Variants in ENPP3 observed in about 807,000 individuals in gnomAD.
ENPP3 encodes ectonucleotide pyrophosphatase/phosphodiesterase 3.
In ENPP3, 104 loss-of-function variants were observed where a neutral mutation model predicts 117.8. The ratio of observed to expected loss-of-function variants is 0.88; its 90% CI spans 0.75 to 1.04. The LOEUF (loss-of-function observed/expected upper bound fraction) is 1.04, where lower values mean the gene tolerates loss of function less well. Among genes scored for constraint, ENPP3 ranks in the 50% least tolerant of loss-of-function variants. The probability of loss-of-function intolerance (pLI) is 0.00; values close to 1 mark genes in which losing one functional copy is unlikely to be tolerated. For missense variants in ENPP3, 1,026 were observed against 1,051.9 expected (o/e 0.98, Z 0.34); for synonymous variants, 380 against 349.9 (o/e 1.09, Z -0.96).
intron 14 of ENPP3, among the ~76,000 whole-genome samples, chr6:131,688,817 C>T (rs192490136): frequency 1.0e-4 from 15 of 149,294 alleles, no homozygotes; most frequent in African/African-American, 3.0e-4. Flanking sequence ...TTTGGGAGGC[C>T]GAGGCAGGTG....
intron 12 of ENPP3, 106 bp downstream of exon 12, chr6:131,683,268 A>G (rs1006249225): frequency 5.4e-5 from 35 of 652,702 alleles, no homozygotes; most frequent in Non-Finnish European, 1.6e-5. Context: ...TTCCAGACCT[A>G]AAGTCTCTTG....
At chr6:131,744,545 A>G (rs1701671735) in intron 24 of ENPP3, among the ~76,000 whole-genome samples, 1 of 152,226 alleles carries the variant, frequency 6.6e-6, no homozygotes, top group Non-Finnish European at 1.5e-5. Flanking sequence ...CAGTAGAGTT[A>G]TGGATAACAA....
chr6:131,719,410 CACACACACACAT>C (rs558474311), intron 16 of ENPP3, among the ~76,000 whole-genome samples: 8,613 of 149,796 alleles, frequency 0.057, 432 homozygotes, highest in African/African-American at 0.14. Context: ...CACACACACA[CACACACACACAT>C]TCCTTTCCAA....
Position 131,700,718 on chromosome 6 carries a change from T to C in ENPP3, c.1412+7094T>C. 51 of 1,556,454 alleles carry C rather than the reference T, an allele frequency of 3.3e-5. 7 individuals are homozygous for C. The highest frequency in any genetic ancestry group is 4.4e-5 in the Non-Finnish European group (51 of 1,165,138). ...AGGCTTTCCTCTGAACTTCCCTTGA[T>C]TGGATCTGAAGGATAGCACAGAGGA... On this transcript the variant is annotated intron_variant, in intron 15 of 24. Coordinates refer to ENST00000357639, the MANE Select transcript of ENPP3 (RefSeq NM_005021.5).
chr6:131,653,419 A>G (rs902345889), intron 5 of ENPP3, among the ~76,000 whole-genome samples: 1 of 149,900 alleles, frequency 6.7e-6, no homozygotes, highest in South Asian at 2.1e-4. Flanking sequence ...AAATGCTGGG[A>G]TTCCAGGCAT....
At chr6:131,716,215 A>G (rs1353540671) in intron 15 of ENPP3, among the ~76,000 whole-genome samples, 1 of 152,378 alleles carries the variant, frequency 6.6e-6, no homozygotes, top group East Asian at 1.9e-4. Context: ...TATGACAGAT[A>G]GAATCAACTC....
At chr6:131,732,963 G>A (rs931935592) in intron 20 of ENPP3, among the ~76,000 whole-genome samples, 4 of 151,792 alleles carry the variant, frequency 2.6e-5, no homozygotes, top group African/African-American at 7.2e-5. Flanking sequence ...TGCTGACCTC[G>A]TGATCTGCCT....
chr6:131,638,571 G>A (rs1330101475), intron 1 of ENPP3: 2 of 386,250 alleles, frequency 5.2e-6, no homozygotes, highest in African/African-American at 2.2e-5. Context: ...GCTCAGCTAA[G>A]TTTTTGTGAG....
At chr6:131,740,756 T>A (rs371910022) in intron 24 of ENPP3, among the ~76,000 whole-genome samples, 1 of 152,200 alleles carries the variant, frequency 6.6e-6, no homozygotes, top group African/African-American at 2.4e-5. Flanking sequence ...CTTTGTATAA[T>A]GATCAAATCA....
intron 2 of ENPP3, among the ~76,000 whole-genome samples, chr6:131,645,122 C>G (rs1490252503): frequency 2.6e-5 from 4 of 152,244 alleles, no homozygotes; most frequent in African/African-American, 4.8e-5. Flanking sequence ...TATGCCCTCT[C>G]TTGGTGCTGA....
chr6:131,719,796 G>C (rs562127692), intron 16 of ENPP3, among the ~76,000 whole-genome samples: 1 of 151,994 alleles, frequency 6.6e-6, no homozygotes, highest in South Asian at 2.1e-4. Flanking sequence ...AAATATTGAG[G>C]TCTTTTTATC....
rs960427473 is a variant in ENPP3, at chr6:131,720,201, G to C, written c.1480-91G>C. The C allele has an allele frequency of 1.3e-5, 9 of 705,310 alleles. No homozygotes were observed. In the African/African-American group the frequency reaches 1.5e-4, roughly 11 times the overall value. The allele number at this position is 705,310 out of a possible 1,614,324, so 43.7% of individuals were successfully genotyped here. A position where few individuals can be genotyped will look rare whatever the true frequency, so the allele number is the denominator to read the frequency against. The stretch of plus-strand genomic sequence containing the variant: ...ACAGAGGCCTAATACAAATAGGAGA[G>C]TAGTTACAGAAGGAAAATTTTGTCT... On this transcript the variant is annotated intron_variant, in intron 16 of 24. Coordinates refer to ENST00000357639, the MANE Select transcript of ENPP3 (RefSeq NM_005021.5).
At chr6:131,664,711 A>G (rs2114355225) in intron 6 of ENPP3, among the ~76,000 whole-genome samples, 1 of 152,328 alleles carries the variant, frequency 6.6e-6, no homozygotes, top group East Asian at 1.9e-4. Context: ...GGATAAATAT[A>G]CAATTACCAC....
chr6:131,717,893 C>G (rs966361671), intron 15 of ENPP3, among the ~76,000 whole-genome samples: 14 of 152,120 alleles, frequency 9.2e-5, no homozygotes, highest in African/African-American at 3.4e-4. Context: ...TGCTTAGATA[C>G]ACAAATCCTT....
intron 6 of ENPP3, among the ~76,000 whole-genome samples, chr6:131,668,517 A>G (rs1778671357): frequency 6.6e-6 from 1 of 152,022 alleles, no homozygotes; most frequent in Middle Eastern, 3.2e-3. Context: ...CCCGGCCTAC[A>G]TTGCAGTTTT....
At chr6:131,672,256 T>C (rs1008104353) in intron 7 of ENPP3, among the ~76,000 whole-genome samples, 3 of 152,204 alleles carry the variant, frequency 2.0e-5, no homozygotes, top group African/African-American at 4.8e-5. Context: ...ACAAGTACCA[T>C]TTTCACAATC....
intron 6 of ENPP3, among the ~76,000 whole-genome samples, chr6:131,669,655 C>CAAAAAAAAAAA (rs67597128): frequency 2.0e-3 from 126 of 61,512 alleles, no homozygotes; most frequent in Non-Finnish European, 2.6e-3. Flanking sequence ...GACTCCATCT[C>CAAAAAAAAAAA]AAAAAAAAAA....
chr6:131,646,274 C>CTGTGTGTGTGTGTG lies in ENPP3; in HGVS notation c.155-3731_155-3718dup, dbSNP rs34014584. Among the ~76,000 whole-genome samples the CTGTGTGTGTGTGTG allele has an allele frequency of 6.0e-3, 879 of 145,570 alleles. 16 individuals are homozygous for CTGTGTGTGTGTGTG. Among genetic ancestry groups the CTGTGTGTGTGTGTG allele is most frequent in the African/African-American group, 0.021 (831 of 39,390 alleles). Reference sequence around the variant, plus strand: ...TCTCTTTTCTGAGGCTCTCAATACTCTGTGTGTGTGTGTGTGTGTGTGTGT... The same window carrying CTGTGTGTGTGTGTG: ...TCTCTTTTCTGAGGCTCTCAATACTCTGTGTGTGTGTGTGTGTGTGTGTGTGTGTGTGTGTGTGT... On this transcript the variant is annotated intron_variant, in intron 2 of 24. Transcript: ENST00000357639.
At chr6:131,659,283 A>G (rs1778449259) in intron 6 of ENPP3, among the ~76,000 whole-genome samples, 1 of 150,276 alleles carries the variant, frequency 6.7e-6, no homozygotes, top group Non-Finnish European at 1.5e-5. Context: ...CCTCATCTCT[A>G]TTTAATAATA....
Sources: gnomAD v4.1 joint callset for allele counts (sites outside exome capture counted in the v4.1 genomes callset) on GRCh38, gnomAD v4.1.1 for gene constraint, MANE v1.5 for transcripts, NCBI Gene and HGNC (gene_info 2026-07-23, HGNC 2026-07-21) for gene names.